CLPB: variants seen among roughly 807,000 people sequenced by gnomAD.
CLPB encodes ClpB family mitochondrial disaggregase.
Under a neutral mutation model 78.4 loss-of-function variants are expected in CLPB, and 40 were observed. The observed-to-expected ratio is 0.51, with a 90% CI of 0.40 to 0.66. The LOEUF (loss-of-function observed/expected upper bound fraction) is 0.66. Among genes scored for constraint, CLPB ranks in the 30% least tolerant of loss-of-function variants. CLPB has a pLI of 0.00. For synonymous variants in CLPB, 333 were observed against 348.0 expected (o/e 0.96, Z 0.48); for missense variants, 780 against 886.9 (o/e 0.88, Z 1.53).
At chr11:72,425,929 T>G (rs1280011218) in intron 2 of CLPB, among the ~76,000 whole-genome samples, 4 of 152,106 alleles carry the variant, frequency 2.6e-5, no homozygotes. Flanking sequence ...GCCCCTGTAG[T>G]TTCCTGTCTC....
rs527579602 is a variant in CLPB, at chr11:72,387,189, A to C, written c.543-6805T>G. On this transcript the variant is annotated intron_variant, in intron 3 of 15. Coordinates refer to ENST00000538039, the MANE Select transcript of CLPB (RefSeq NM_001258392.3). ...GTCCACACTGAAAATTAATAAGTAA[A>C]TGGAGAGAAGGGAAAGTTCTGTCTT... is the stretch of plus-strand genomic sequence containing the variant. Among the ~76,000 whole-genome samples the C allele has an allele frequency of 4.6e-5, 7 of 152,322 alleles. No individual in the cohort carries two copies. In the South Asian group the frequency reaches 1.4e-3, roughly 32 times the overall value.
intron 4 of CLPB, chr11:72,372,807 G>A (rs1951067785): frequency 7.9e-6 from 7 of 882,602 alleles, no homozygotes; most frequent in Non-Finnish European, 1.1e-5. Flanking sequence ...GGGTTAGGCT[G>A]GGCACACAGT....
chr11:72,315,356 G>C (rs1011563316), intron 7 of CLPB, among the ~76,000 whole-genome samples: 1 of 152,194 alleles, frequency 6.6e-6, no homozygotes, highest in East Asian at 1.9e-4. Flanking sequence ...AACAGGGCAG[G>C]CAGCCTCCCT....
At chr11:72,341,311 TA>T (rs1254054432) in intron 5 of CLPB, among the ~76,000 whole-genome samples, 1 of 152,144 alleles carries the variant, frequency 6.6e-6, no homozygotes, top group African/African-American at 2.4e-5. Flanking sequence ...CTTCCCAGGT[TA>T]GAGATCTGGT....
At chr11:72,363,600 T>G (rs1051349791) in intron 4 of CLPB, 5 of 151,578 alleles carry the variant, frequency 3.3e-5, no homozygotes, top group Non-Finnish European at 7.4e-5. Flanking sequence ...TTCAAGGCAA[T>G]CATTCCCTCA....
At chr11:72,334,181 A>G (rs1051810463) in intron 5 of CLPB, among the ~76,000 whole-genome samples, 1 of 152,220 alleles carries the variant, frequency 6.6e-6, no homozygotes, top group East Asian at 1.9e-4. Context: ...TGTGTGCCAT[A>G]AACATTGGCC....
rs1363703466 is a variant in CLPB, at chr11:72,432,690, A to C, written c.403+1382T>G. Among the ~76,000 whole-genome samples, 3 of 152,212 alleles carry C rather than the reference A, an allele frequency of 2.0e-5. No homozygotes were observed. The East Asian group carries it at 5.8e-4, about 29-fold the overall frequency. ...TCGATGCCCTTAGTGTCTATTTCAA[A>C]ACCCTCATTTTGTAGATGAGGAAAC... On this transcript the variant is annotated intron_variant, in intron 1 of 15. Transcript: ENST00000538039.
chr11:72,421,660 T>C (rs1284871775), intron 2 of CLPB, among the ~76,000 whole-genome samples: 1 of 152,236 alleles, frequency 6.6e-6, no homozygotes, highest in Non-Finnish European at 1.5e-5. Flanking sequence ...CCAGGCCCAC[T>C]GCGTTAGGCC....
chr11:72,365,451 T>C (rs1322328175), intron 4 of CLPB, among the ~76,000 whole-genome samples: 1 of 152,216 alleles, frequency 6.6e-6, no homozygotes, highest in Non-Finnish European at 1.5e-5. Context: ...TGATAATGAA[T>C]ACGAGGTCTC....
intron 3 of CLPB, among the ~76,000 whole-genome samples, chr11:72,398,487 C>G (rs567528384): frequency 1.2e-4 from 18 of 152,292 alleles, no homozygotes; most frequent in Non-Finnish European, 2.6e-4. Flanking sequence ...TAAAGCATCA[C>G]CGAGAGGTTG....
intron 4 of CLPB, chr11:72,372,983 G>C: frequency 6.2e-7 from 1 of 1,614,162 alleles, no homozygotes; most frequent in Non-Finnish European, 8.5e-7. Flanking sequence ...ACTGGTTTGT[G>C]ATGTGCCGGC....
intron 7 of CLPB, among the ~76,000 whole-genome samples, chr11:72,313,683 T>C (rs1949887936): frequency 6.6e-6 from 1 of 152,252 alleles, no homozygotes; most frequent in South Asian, 2.1e-4. Context: ...TCTCTTCTTT[T>C]TTAAATGGGT....
Position 72,302,193 on chromosome 11 carries a change from C to A in CLPB, c.1167+111G>T, listed in dbSNP as rs377022467. On this transcript the variant is annotated intron_variant, in intron 10 of 15. Coordinates refer to ENST00000538039, the MANE Select transcript of CLPB (RefSeq NM_001258392.3). Reference sequence around the variant, plus strand: ...CCCTGCTGCACACCTGTGCTCCCAACGACAAATCCCAAGGCTGCTGGAATT... The same window carrying A: ...CCCTGCTGCACACCTGTGCTCCCAAAGACAAATCCCAAGGCTGCTGGAATT... 7.4e-5 allele frequency: 91 copies of A among 1,223,180 alleles called. No individual in the cohort carries two copies. In the African/African-American group the frequency reaches 1.1e-3, roughly 15 times the overall value. The allele number at this position is 1,223,180 out of a possible 1,614,324, so 75.8% of individuals were successfully genotyped here.
Position 72,289,315 on chromosome 11 carries a change from G to A in CLPB, c.*4052C>T, listed in dbSNP as rs1949424851. 6.6e-6 allele frequency: 1 copy of A among 152,032 alleles called. No individual in the cohort carries two copies. Among genetic ancestry groups the A allele is most frequent in the Admixed American group, 6.6e-5 (1 of 15,234 alleles). 9.4% of individuals were successfully genotyped at this position (152,032 alleles called of 1,614,324 possible). On this transcript the variant is annotated 3_prime_UTR_variant, in exon 16 of 16. Transcript: ENST00000538039. ...TATCTGATTTTAAGTTATATGCCTA[G>A]TATTCCTGGCCACAGTTAACTGAAC...
At chr11:72,433,335 G>A (rs1856601656) in intron 1 of CLPB, among the ~76,000 whole-genome samples, 1 of 152,100 alleles carries the variant, frequency 6.6e-6, no homozygotes, top group East Asian at 1.9e-4. Flanking sequence ...CAAGGCGGGT[G>A]GATCAGGAGG....
chr11:72,430,993 T>C (rs887016514), intron 1 of CLPB, among the ~76,000 whole-genome samples: 1 of 152,184 alleles, frequency 6.6e-6, no homozygotes, highest in Non-Finnish European at 1.5e-5. Context: ...CCCTGCCAGC[T>C]TCACAAGGAT....
chr11:72,311,331 C>G (rs1183209084), intron 7 of CLPB, among the ~76,000 whole-genome samples: 1 of 152,198 alleles, frequency 6.6e-6, no homozygotes, highest in Non-Finnish European at 1.5e-5. Context: ...GTTGCTCTCA[C>G]TGTGGCCAGC....
rs755970688 is a variant in CLPB, at chr11:72,322,280, T to C, written c.874-5060A>G. Among the ~76,000 whole-genome samples, 108 of 152,048 alleles carry C rather than the reference T, an allele frequency of 7.1e-4. 3 individuals carry two copies. The highest frequency in any genetic ancestry group is 2.1e-4 in the South Asian group (1 of 4,824). ...GCTGCTAAAGCCAATATTTTAAACATGTAAATCTGATCATGTCACTCCTCT... is the reference window on the plus strand; with the variant it reads ...GCTGCTAAAGCCAATATTTTAAACACGTAAATCTGATCATGTCACTCCTCT... On this transcript the variant is annotated intron_variant, in intron 6 of 15. Coordinates refer to ENST00000538039, the MANE Select transcript of CLPB (RefSeq NM_001258392.3).
intron 6 of CLPB, among the ~76,000 whole-genome samples, chr11:72,319,179 C>A (rs1950001927): frequency 6.6e-6 from 1 of 152,194 alleles, no homozygotes; most frequent in Non-Finnish European, 1.5e-5. Context: ...GTGGTACTGT[C>A]TAGGGAGTCT....
Sources: gnomAD v4.1 joint callset for allele counts (sites outside exome capture counted in the v4.1 genomes callset) on GRCh38, gnomAD v4.1.1 for gene constraint, MANE v1.5 for transcripts, NCBI Gene and HGNC (gene_info 2026-07-23, HGNC 2026-07-21) for gene names.